The following MOB4 variants were observed in gnomAD, a reference collection of about 807,000 sequenced individuals.
MOB4 encodes the protein MOB-like protein phocein.
In MOB4, 4 loss-of-function variants were observed where a neutral mutation model predicts 32.2. That is an observed-to-expected ratio of 0.12 (90% CI 0.06 to 0.28). The LOEUF is 0.28. MOB4 is among the 10% of genes least tolerant of loss of function. The pLI is 1.00. For missense variants in MOB4, 158 were observed against 271.2 expected, an observed-to-expected ratio of 0.58 and a Z score of 2.93; for synonymous variants, 88 against 88.1, an observed-to-expected ratio of 1.00 and a Z score of 0.01.
upstream of MOB4, chr2:197,515,995 C>A (rs1018657447): frequency 5.1e-6 from 7 of 1,361,168 alleles, no homozygotes; most frequent in Admixed American, 6.5e-5. Context: ...CGCTCCTCCT[C>A]CCAGACGCAG....
At position 197,545,667 on chromosome 2, in the gene MOB4, G is replaced by A. The variant is rs183356269; in HGVS notation, c.355-2669G>A. 1.5e-3 allele frequency among the ~76,000 whole-genome samples: 227 copies of A among 152,228 alleles called. 1 individual carries two copies. Among genetic ancestry groups the A allele is most frequent in the African/African-American group, 5.0e-3 (207 of 41,554 alleles). ...GATAAGCCTTGAAAACATAATAGAAGCCAGACACAAAATGCCACTTATTAT... is the reference window on the plus strand; with the variant it reads ...GATAAGCCTTGAAAACATAATAGAAACCAGACACAAAATGCCACTTATTAT... On this transcript the variant is annotated intron_variant, in intron 5 of 7. Coordinates refer to ENST00000323303, the MANE Select transcript of MOB4 (RefSeq NM_015387.5).
At chr2:197,529,374 T>TA (rs1370123094) in intron 2 of MOB4, among the ~76,000 whole-genome samples, 11 of 149,588 alleles carry the variant, frequency 7.4e-5, no homozygotes, top group Admixed American at 7.4e-4. Context: ...TTTTTTGAGA[T>TA]AGAGTCTCGC....
intron 5 of MOB4, among the ~76,000 whole-genome samples, chr2:197,542,302 G>A (rs922954472): frequency 1.3e-5 from 2 of 152,194 alleles, no homozygotes; most frequent in African/African-American, 2.4e-5. Context: ...TGTTGAACTG[G>A]CCATGTGTCA....
chr2:197,535,508 A>G (rs192173929), intron 2 of MOB4, 22 bp from the exon 3 acceptor site: 43 of 1,575,204 alleles, frequency 2.7e-5, no homozygotes, highest in Middle Eastern at 2.0e-4. Context: ...TTAATTAACC[A>G]TAAGAACTTC....
chr2:197,515,771 G>A (rs1357189942), upstream of MOB4: 3 of 442,024 alleles, frequency 6.8e-6, no homozygotes, highest in Non-Finnish European at 1.2e-5. Context: ...CAACGCAGCC[G>A]TGCACACTGC....
chr2:197,524,926 A>G (rs895761672), intron 2 of MOB4, among the ~76,000 whole-genome samples: 2 of 152,140 alleles, frequency 1.3e-5, no homozygotes, highest in Non-Finnish European at 2.9e-5. Flanking sequence ...GCACACTGCC[A>G]CATCTGGCTG....
Position 197,543,449 on chromosome 2 carries a change from A to G in MOB4, c.354+3012A>G, listed in dbSNP as rs538009201. On this transcript the variant is annotated intron_variant, in intron 5 of 7. Coordinates refer to ENST00000323303, the MANE Select transcript of MOB4 (RefSeq NM_015387.5). The stretch of plus-strand genomic sequence containing the variant: ...CCTCCACAACCATGCTTGATAAGGG[A>G]AAAAAAAAAACCACCGTGAGAATGG... Among the ~76,000 whole-genome samples, 60 of 145,948 alleles carry G rather than the reference A, an allele frequency of 4.1e-4. 1 individual carries two copies. Among genetic ancestry groups the G allele is most frequent in the Non-Finnish European group, 7.8e-4 (51 of 65,530 alleles).
At chr2:197,538,014 A>G (rs1034852787) in intron 3 of MOB4, among the ~76,000 whole-genome samples, 1 of 152,044 alleles carries the variant, frequency 6.6e-6, no homozygotes, top group African/African-American at 2.4e-5. Context: ...TCCTGACCTC[A>G]CGATCTGCCC....
chr2:197,526,819 C>T (rs773194872), intron 2 of MOB4, among the ~76,000 whole-genome samples: 8 of 152,100 alleles, frequency 5.3e-5, no homozygotes, highest in East Asian at 1.9e-4. Flanking sequence ...GTATGTGACA[C>T]GTTATTTCTG....
chr2:197,552,643 TATTCATGTTGATA>T lies in MOB4; in HGVS notation c.*2000_*2012del, dbSNP rs2087116410. 6.6e-6 allele frequency: 1 copy of T among 152,412 alleles called. No individual in the cohort carries two copies. The highest frequency in any genetic ancestry group is 1.5e-5 in the Non-Finnish European group (1 of 68,052). 9.4% of individuals were successfully genotyped at this position (152,412 alleles called of 1,614,324 possible). On this transcript the variant is annotated 3_prime_UTR_variant, in exon 8 of 8. Transcript: ENST00000323303. ...TAATCAGTTTGTAGTCTTGCTTTTG[TATTCATGTTGATA>T]ATCTTACTAATTGTGAAGTTGATTC...
intron 2 of MOB4, among the ~76,000 whole-genome samples, chr2:197,529,060 C>A (rs1429013189): frequency 6.6e-6 from 1 of 151,680 alleles, no homozygotes; most frequent in Non-Finnish European, 1.5e-5. Context: ...ATTCTCCTGC[C>A]TCAGCCTCAT....
intron 5 of MOB4, among the ~76,000 whole-genome samples, chr2:197,546,562 A>AT (rs1559325142): frequency 6.6e-6 from 1 of 151,848 alleles, no homozygotes. Flanking sequence ...TGTCTGGCTA[A>AT]TTTTTCAAAT....
At chr2:197,516,268 G>C in intron 1 of MOB4, 122 bp downstream of exon 1, 1 of 1,472,470 alleles carries the variant, frequency 6.8e-7, no homozygotes, top group Non-Finnish European at 9.0e-7. Context: ...GGGCACTGGT[G>C]CCCGGCCTGC....
rs1344412362 is a variant in MOB4 at position 197,552,458 on chromosome 2, G to C, written c.*1812G>C. On this transcript the variant is annotated 3_prime_UTR_variant, in exon 8 of 8. Coordinates refer to ENST00000323303, the MANE Select transcript of MOB4 (RefSeq NM_015387.5). ...CTTAGTGAATATTTATACTAAGGTA[G>C]TGACTGAGATTTGGTGATCTGGCTG... The C allele has an allele frequency of 6.6e-6, 1 of 152,318 alleles. No individual in the cohort carries two copies. The highest frequency in any genetic ancestry group is 1.9e-4 in the East Asian group (1 of 5,336). The allele number at this position is 152,318 out of a possible 1,614,324, so 9.4% of individuals were successfully genotyped here. A position where few individuals can be genotyped will look rare whatever the true frequency, so the allele number is the denominator to read the frequency against.
chr2:197,523,897 G>A (rs938456128), intron 2 of MOB4, among the ~76,000 whole-genome samples: 4 of 152,144 alleles, frequency 2.6e-5, no homozygotes, highest in Non-Finnish European at 4.4e-5. Flanking sequence ...ATATCTTTTC[G>A]CATAGAGAAG....
At chr2:197,543,796 T>C (rs2106133304) in intron 5 of MOB4, among the ~76,000 whole-genome samples, 1 of 151,778 alleles carries the variant, frequency 6.6e-6, no homozygotes, top group Admixed American at 6.6e-5. Flanking sequence ...TGGAGTTCAG[T>C]GGCGCAATCT....
rs529119525 is a variant in MOB4 at position 197,553,472 on chromosome 2, C to G, written c.*2826C>G. On this transcript the variant is annotated 3_prime_UTR_variant, in exon 8 of 8. Transcript: ENST00000323303. ...TACATTGTTAGTAAGGACTGTGTTA[C>G]GATTATAAACACATTTATTGGTTGA... 1 of 152,012 alleles carries G rather than the reference C, an allele frequency of 6.6e-6. No homozygotes were observed. The highest frequency in any genetic ancestry group is 2.1e-4 in the South Asian group (1 of 4,818). 9.4% of individuals were successfully genotyped at this position (152,012 alleles called of 1,614,324 possible). A position where few individuals can be genotyped will look rare whatever the true frequency, so the allele number is the denominator to read the frequency against.
At chr2:197,522,431 A>G (rs557524525) in intron 1 of MOB4, among the ~76,000 whole-genome samples, 2 of 148,792 alleles carry the variant, frequency 1.3e-5, no homozygotes, top group Admixed American at 1.4e-4. Flanking sequence ...CCTGGGTTCA[A>G]GCAATTCTCC....
intron 6 of MOB4, among the ~76,000 whole-genome samples, chr2:197,548,966 C>T (rs996089689): frequency 6.6e-6 from 1 of 152,136 alleles, no homozygotes; most frequent in Non-Finnish European, 1.5e-5. Context: ...CAGTGGCTCA[C>T]GGATGTAATC....
Sources: gnomAD v4.1 joint callset for allele counts (sites outside exome capture counted in the v4.1 genomes callset) on GRCh38, gnomAD v4.1.1 for gene constraint, MANE v1.5 for transcripts, NCBI Gene and HGNC (gene_info 2026-07-23, HGNC 2026-07-21) for gene names.